Variants in TAB2 observed in about 807,000 individuals in gnomAD.
TAB2 encodes the protein TGF-beta activated kinase 1 (MAP3K7) binding protein 2.
In TAB2, 3 loss-of-function variants were observed where a neutral mutation model predicts 65.0. That is an observed-to-expected ratio of 0.05 (90% CI 0.02 to 0.12). The LOEUF (loss-of-function observed/expected upper bound fraction) is 0.12, where lower values mean the gene tolerates loss of function less well. Among genes scored for constraint, TAB2 ranks in the 10% least tolerant of loss-of-function variants. The probability of loss-of-function intolerance (pLI) is 1.00; values close to 1 mark genes in which losing one functional copy is unlikely to be tolerated. For synonymous variants in TAB2, 298 were observed against 285.1 expected (o/e 1.05, Z -0.46); for missense variants, 623 against 840.3 (o/e 0.74, Z 3.20).
At chr6:149,403,287 C>T (rs1236514495) in intron 6 of TAB2, among the ~76,000 whole-genome samples, 673 of 28,622 alleles carry the variant, frequency 0.024, 23 homozygotes, top group African/African-American at 0.12. Flanking sequence ...TATATATACA[C>T]ACACACACAT....
At chr6:149,357,430 A>AAAACACACAC in intron 1 of TAB2, among the ~76,000 whole-genome samples, 2 of 111,138 alleles carry the variant, frequency 1.8e-5, no homozygotes, top group South Asian at 3.5e-4. Context: ...AGAAAAAAAA[A>AAAACACACAC]ACACACACAC....
intron 2 of TAB2, among the ~76,000 whole-genome samples, chr6:149,373,610 A>G (rs1781303193): frequency 1.3e-5 from 2 of 152,206 alleles, no homozygotes; most frequent in Admixed American, 1.3e-4. Context: ...ATGCTTTGAT[A>G]CTATCTGTAA....
chr6:149,381,742 T>G (rs1781617467), intron 3 of TAB2, among the ~76,000 whole-genome samples: 2 of 151,590 alleles, frequency 1.3e-5, no homozygotes, highest in Non-Finnish European at 2.9e-5. Context: ...CCAGCTAACT[T>G]TTTGTATTTT....
intron 1 of TAB2, among the ~76,000 whole-genome samples, chr6:149,266,750 G>A (rs1778272171): frequency 6.6e-6 from 1 of 152,154 alleles, no homozygotes; most frequent in African/African-American, 2.4e-5. Context: ...GCCCTGTCTG[G>A]GAGGCCATAA....
At chr6:149,357,428 A>ACACACACACAC (rs1223441586) in intron 1 of TAB2, among the ~76,000 whole-genome samples, 16 of 65,552 alleles carry the variant, frequency 2.4e-4, no homozygotes, top group African/African-American at 8.9e-4. Flanking sequence ...GGAGAAAAAA[A>ACACACACACAC]AAACACACAC....
At chr6:149,335,201 GA>G (rs1440323914) in intron 1 of TAB2, among the ~76,000 whole-genome samples, 1 of 151,600 alleles carries the variant, frequency 6.6e-6, no homozygotes, top group Non-Finnish European at 1.5e-5. Flanking sequence ...TTTCCCCAGG[GA>G]AAAAGGTGAA....
chr6:149,229,128 A>G (rs78590963), intron 1 of TAB2, among the ~76,000 whole-genome samples: 4,455 of 152,362 alleles, frequency 0.029, 87 homozygotes, highest in Middle Eastern at 0.078. Flanking sequence ...AAGCATTTGT[A>G]ATGTAATCCA....
At chr6:149,400,681 A>G (rs762259994) in intron 6 of TAB2, 2 of 1,613,318 alleles carry the variant, frequency 1.2e-6, no homozygotes, top group Non-Finnish European at 1.7e-6. Flanking sequence ...GTCTACTGAA[A>G]AGGGAACCTG....
rs966694692 is a variant in TAB2 at position 149,348,626 on chromosome 6, G to C, written c.-89-21283G>C. On this transcript the variant is annotated intron_variant, in intron 1 of 6. Coordinates refer to ENST00000637181, the MANE Select transcript of TAB2 (RefSeq NM_001292034.3). ...ACAGGGCTTATGGGAAAAAAAAAAG[G>C]AATTATGGCTGTAACACTTGGAAAC... 2.6e-5 allele frequency among the ~76,000 whole-genome samples: 4 copies of C among 151,478 alleles called. No homozygotes were observed. In the East Asian group the frequency reaches 7.8e-4, roughly 30 times the overall value.
intron 1 of TAB2, among the ~76,000 whole-genome samples, chr6:149,265,886 G>A (rs556491841): frequency 6.6e-6 from 1 of 152,246 alleles, no homozygotes; most frequent in African/African-American, 2.4e-5. Flanking sequence ...CAACTGGGAG[G>A]TTGCCCCTGA....
intron 1 of TAB2, among the ~76,000 whole-genome samples, chr6:149,219,633 T>C (rs1429912442): frequency 2.0e-5 from 3 of 152,214 alleles, no homozygotes; most frequent in Non-Finnish European, 4.4e-5. Context: ...TACCCAGTAC[T>C]TTATGTTGCC....
At chr6:149,300,715 A>T (rs1391734694) in intron 1 of TAB2, among the ~76,000 whole-genome samples, 1 of 152,214 alleles carries the variant, frequency 6.6e-6, no homozygotes, top group Non-Finnish European at 1.5e-5. Context: ...GAAAGACCCA[A>T]TGTCAGACTG....
In TAB2 at chr6:149,399,123, C is replaced by T. The variant is rs376467260; in HGVS notation, c.1878C>T (p.Ser626=). The T allele has an allele frequency of 4.5e-5, 72 of 1,613,386 alleles. No homozygotes were observed. The highest frequency in any genetic ancestry group is 3.2e-4 in the Admixed American group (19 of 60,006). ...FQARGPHFNP[S]AIHNFYDNIG... is the part of the protein sequence containing the mutation. ...TTTCAGGACCACATTTTAACCCCAG[C>T]GCTATTCATAACTTTTATGACAATA... Residue 626 remains serine (S), a synonymous_variant, in exon 6 of 7, where the codon AGC becomes AGT. Transcript: ENST00000637181.
intron 1 of TAB2, among the ~76,000 whole-genome samples, chr6:149,334,525 AAAAC>A (rs1283971738): frequency 1.3e-5 from 2 of 152,130 alleles, no homozygotes; most frequent in Non-Finnish European, 2.9e-5. Context: ...ATAAAAATAA[AAAAC>A]TAACTCGGCA....
chr6:149,218,315 C>T (rs1412154635), upstream of TAB2, among the ~76,000 whole-genome samples: 1 of 152,094 alleles, frequency 6.6e-6, no homozygotes, highest in East Asian at 1.9e-4. Context: ...GCCAAAAGAA[C>T]ACTGCACATG....
At chr6:149,358,214 A>G (rs913157720) in intron 1 of TAB2, among the ~76,000 whole-genome samples, 6 of 152,212 alleles carry the variant, frequency 3.9e-5, no homozygotes, top group Non-Finnish European at 8.8e-5. Flanking sequence ...ATTTGTGTAT[A>G]TGTATAATAT....
At chr6:149,306,557 CAAAA>C (rs58001933) in intron 1 of TAB2, among the ~76,000 whole-genome samples, 2 of 108,608 alleles carry the variant, frequency 1.8e-5, no homozygotes, top group Non-Finnish European at 4.0e-5. Flanking sequence ...GACTCCGTCT[CAAAA>C]AAAAAAAAAA....
chr6:149,321,326 G>A (rs1388151694), intron 1 of TAB2: 1 of 152,002 alleles, frequency 6.6e-6, no homozygotes, highest in African/African-American at 2.4e-5. Flanking sequence ...TTAACATTTT[G>A]TTTCTTATGA....
chr6:149,264,721 C>T (rs1778225957), intron 1 of TAB2, among the ~76,000 whole-genome samples: 1 of 152,218 alleles, frequency 6.6e-6, no homozygotes, highest in African/African-American at 2.4e-5. Flanking sequence ...ATGACATCAA[C>T]ATCAGTGACC....
Sources: gnomAD v4.1 joint callset for allele counts (sites outside exome capture counted in the v4.1 genomes callset) on GRCh38, gnomAD v4.1.1 for gene constraint, MANE v1.5 for transcripts, NCBI Gene and HGNC (gene_info 2026-07-23, HGNC 2026-07-21) for gene names.